Variants in SERAC1 observed in about 807,000 individuals in gnomAD.
SERAC1 encodes the protein protein SERAC1.
A neutral mutation model predicts 85.7 loss-of-function variants in SERAC1; 36 were observed. The observed-to-expected ratio is 0.42, with a 90% CI of 0.32 to 0.55. SERAC1 has a LOEUF of 0.55. Ranked by LOEUF, SERAC1 falls within the 20% of genes least tolerant of loss-of-function variation. SERAC1 has a pLI of 0.11. For missense variants in SERAC1, 629 were observed against 796.2 expected (o/e 0.79, Z 2.53); for synonymous variants, 242 against 265.3 (o/e 0.91, Z 0.85).
In SERAC1 at chr6:158,116,141, A is replaced by T. The variant is rs762778014; in HGVS notation, c.1501+44T>A. The T allele has an allele frequency of 1.1e-5, 17 of 1,519,366 alleles. No individual in the cohort carries two copies. In the Admixed American group the frequency reaches 2.9e-4, roughly 26 times the overall value. The allele number at this position is 1,519,366 out of a possible 1,614,324, so 94.1% of individuals were successfully genotyped here. A position where few individuals can be genotyped will look rare whatever the true frequency, so the allele number is the denominator to read the frequency against. ...TTTAGGTTGGCCACAGTGGCTGAAA[A>T]TAACATCACAATGGCCACTTCACAA... On this transcript the variant is annotated intron_variant, in intron 14 of 16. Transcript: ENST00000647468.
At chr6:158,154,415 A>T (rs1785278390) in intron 3 of SERAC1, among the ~76,000 whole-genome samples, 1 of 152,198 alleles carries the variant, frequency 6.6e-6, no homozygotes, top group African/African-American at 2.4e-5. Flanking sequence ...AATTATCTAA[A>T]TATATTTTGC....
At chr6:158,156,898 AG>A (rs1562459892) in intron 2 of SERAC1, among the ~76,000 whole-genome samples, 5 of 132,194 alleles carry the variant, frequency 3.8e-5, no homozygotes, top group African/African-American at 1.4e-4. Flanking sequence ...ATATTTATAT[AG>A]ATATTAATAT....
intron 2 of SERAC1, among the ~76,000 whole-genome samples, chr6:158,156,931 T>G (rs1291969846): frequency 2.2e-5 from 3 of 134,002 alleles, no homozygotes; most frequent in African/African-American, 3.1e-5. Context: ...TATTAATATA[T>G]TTATATAGAT....
chr6:158,113,111 ATAAGTC>A (rs1784187196), intron 16 of SERAC1: 1 of 338,410 alleles, frequency 3.0e-6, no homozygotes, highest in East Asian at 4.5e-5. Flanking sequence ...GCATGTAAAT[ATAAGTC>A]TAAGTCTATT....
chr6:158,137,180 A>C (rs886629516), intron 8 of SERAC1, among the ~76,000 whole-genome samples: 1 of 151,808 alleles, frequency 6.6e-6, no homozygotes, highest in Non-Finnish European at 1.5e-5. Flanking sequence ...AGTAAAAAGC[A>C]GTGCTTACTC....
At chr6:158,122,529 C>A (rs1361624791) in intron 10 of SERAC1, among the ~76,000 whole-genome samples, 1 of 152,140 alleles carries the variant, frequency 6.6e-6, no homozygotes, top group Non-Finnish European at 1.5e-5. Flanking sequence ...TGCCTGTAAT[C>A]CCAACACTTT....
In SERAC1 at chr6:158,117,437, C is replaced by CTGA. The variant is rs1359527820; in HGVS notation, c.1403+287_1403+289dup. On this transcript the variant is annotated intron_variant, in intron 13 of 16. Transcript: ENST00000647468. This position sits in a 1 kb window ranked among gnomAD's most constrained non-coding sequence, Gnocchi z 4.3. ...GAACAAAAAAACATCACTTTTACTT[C>CTGA]TGATAGAAAAGGAGACTGCTAGACA... is the stretch of plus-strand genomic sequence containing the variant. The CTGA allele has an allele frequency of 7.3e-6, 10 of 1,362,364 alleles. No individual in the cohort carries two copies. In the East Asian group the frequency reaches 2.3e-4, roughly 31 times the overall value. 84.4% of individuals were successfully genotyped at this position (1,362,364 alleles called of 1,614,324 possible). A position where few individuals can be genotyped will look rare whatever the true frequency, so the allele number is the denominator to read the frequency against.
Position 158,155,323 on chromosome 6 carries a change from A to G in SERAC1, c.120T>C (p.Leu40=). 6.4e-7 allele frequency: 1 copy of G among 1,550,898 alleles called. No homozygotes were observed. The highest frequency in any genetic ancestry group is 8.9e-7 in the Non-Finnish European group (1 of 1,124,076). The change falls in exon 3 of 17, where the codon CTT becomes CTC. Residue 40 remains leucine, a synonymous_variant. Transcript: ENST00000647468. ...CACAGTTGACGACTTACCCTAAAAT[A>G]AGTGATCCAGTAAACTTTATTATAT... ...IRNIIKFTGS[L]ILGGSLFLTY...
rs762019418 is a variant in SERAC1 at position 158,111,418 on chromosome 6, T to C, written c.1913A>G (p.Gln638Arg). ...TTCACGAATGAATTGTAAAGTACGC[T>C]GGTACAAAAAAGCATCCTTTTTCTT... ...KPKKKDAFLY[Q>R]RTLQFIREAL... The change falls in exon 17 of 17, where the codon CAG (glutamine) becomes CGG (arginine). Residue 638 changes from glutamine (Q) to arginine (R), a missense_variant. Coordinates refer to ENST00000647468, the MANE Select transcript of SERAC1 (RefSeq NM_032861.4). 1 of 1,611,428 alleles carries C rather than the reference T, an allele frequency of 6.2e-7. No individual in the cohort carries two copies. The highest frequency in any genetic ancestry group is 1.1e-5 in the South Asian group (1 of 90,390).
At chr6:158,150,719 T>A (rs1212286700) in intron 3 of SERAC1, 130 bp from the exon 4 acceptor site, 5 of 689,254 alleles carry the variant, frequency 7.3e-6, no homozygotes, top group Non-Finnish European at 1.3e-5. Flanking sequence ...TACAGTAATA[T>A]GCATATAACA....
chr6:158,154,159 C>CAAAAAAAAAAAAAAAAAAAAAA (rs3041474), intron 3 of SERAC1, among the ~76,000 whole-genome samples: 1 of 66,056 alleles, frequency 1.5e-5, no homozygotes, highest in Non-Finnish European at 2.9e-5. Flanking sequence ...AACTCTGTCT[C>CAAAAAAAAAAAAAAAAAAAAAA]AAAAAAAAAA....
At chr6:158,114,624 A>G (rs1428651146) in intron 15 of SERAC1, 165 bp downstream of exon 15, 1 of 1,365,104 alleles carries the variant, frequency 7.3e-7, no homozygotes, top group East Asian at 2.7e-5. Context: ...ATGAGAAATT[A>G]TCAAAGAAAA....
At chr6:158,146,652 CA>C (rs1785066368) in intron 6 of SERAC1, 129 bp downstream of exon 6, 7 of 1,110,026 alleles carry the variant, frequency 6.3e-6, no homozygotes, top group Non-Finnish European at 9.0e-6. Flanking sequence ...CCTTGTGATC[CA>C]ACCAGCGTGG....
rs145398694 is a variant in SERAC1 at position 158,155,882 on chromosome 6, C to T, written c.92-531G>A. Among the ~76,000 whole-genome samples the T allele has an allele frequency of 4.0e-3, 608 of 152,302 alleles. 6 individuals carry two copies. Among genetic ancestry groups the T allele is most frequent in the African/African-American group, 0.014 (569 of 41,558 alleles). ...AGATTAGGCCGGGTGCGGTGGCTCA[C>T]GCCTGTAGTTCCAACACTTTGGGAG... On this transcript the variant is annotated intron_variant, in intron 2 of 16. Transcript: ENST00000647468.
intron 8 of SERAC1, among the ~76,000 whole-genome samples, chr6:158,136,936 G>A (rs1033767794): frequency 2.8e-4 from 43 of 152,276 alleles, no homozygotes; most frequent in Admixed American, 2.4e-3. Context: ...AAGGCAGGCG[G>A]ATCACGAGGT....
chr6:158,139,647 C>T (rs892428241), intron 8 of SERAC1, among the ~76,000 whole-genome samples: 6 of 152,118 alleles, frequency 3.9e-5, no homozygotes, highest in African/African-American at 1.4e-4. Flanking sequence ...ATCACTTGAG[C>T]CCAGGAGTTC....
At position 158,150,441 on chromosome 6, in the gene SERAC1, C is replaced by T. The variant is rs201927977; in HGVS notation, c.265+12G>A. 2 of 1,550,398 alleles carry T rather than the reference C, an allele frequency of 1.3e-6. No individual in the cohort carries two copies. Among genetic ancestry groups the T allele is most frequent in the African/African-American group, 2.7e-5 (2 of 73,338 alleles). On this transcript the variant is annotated intron_variant, in intron 4 of 16. Coordinates refer to ENST00000647468, the MANE Select transcript of SERAC1 (RefSeq NM_032861.4). ...CCATTTTTCACAGAGGATTACTTTA[C>T]AATAAACTTACCATGATTTTCTCCT...
intron 8 of SERAC1, among the ~76,000 whole-genome samples, chr6:158,136,010 C>T (rs1303019583): frequency 6.6e-6 from 1 of 152,158 alleles, no homozygotes; most frequent in Non-Finnish European, 1.5e-5. Context: ...TGGGGTTTCA[C>T]TGTGTTAGCC....
intron 8 of SERAC1, among the ~76,000 whole-genome samples, chr6:158,142,055 C>T (rs905059677): frequency 5.3e-5 from 8 of 151,734 alleles, no homozygotes; most frequent in African/African-American, 1.9e-4. Context: ...GGTGGTTATT[C>T]GTTCTGATTT....
Sources: allele counts gnomAD v4.1 joint callset (sites outside exome capture counted in the v4.1 genomes callset), GRCh38; gene constraint gnomAD v4.1.1; non-coding constraint Gnocchi (gnomAD v3.1); transcripts MANE v1.5; gene names NCBI Gene and HGNC (gene_info 2026-07-23, HGNC 2026-07-21).